DAB1: variants seen among roughly 807,000 people sequenced by gnomAD.
The protein encoded by DAB1 is DAB adaptor protein 1.
DAB1 carries 15 observed loss-of-function variants against 64.6 expected under a neutral mutation model. The observed-to-expected ratio is 0.23, with a 90% CI of 0.16 to 0.36. The LOEUF (loss-of-function observed/expected upper bound fraction) is 0.36, where lower values mean the gene tolerates loss of function less well. Among genes scored for constraint, DAB1 ranks in the 10% least tolerant of loss-of-function variants. DAB1 has a pLI of 1.00. For missense variants in DAB1, 596 were observed against 706.7 expected (o/e 0.84, Z 1.78); for synonymous variants, 235 against 251.9 (o/e 0.93, Z 0.64).
At chr1:57,219,983 CAGCAGT>C (rs1343106801) in intron 2 of DAB1, among the ~76,000 whole-genome samples, 2 of 152,206 alleles carry the variant, frequency 1.3e-5, no homozygotes, top group Non-Finnish European at 2.9e-5. Flanking sequence ...ATTAGCTATA[CAGCAGT>C]AGCTAACTAA....
At chr1:58,074,359 G>A (rs2100577733) in intron 5 of DAB1, 1 of 150,544 alleles carries the variant, frequency 6.6e-6, no homozygotes, top group Non-Finnish European at 1.5e-5. Flanking sequence ...GGCTTCAACT[G>A]CTATTCTGTA....
At chr1:57,611,376 A>C (rs1645724757) in intron 7 of DAB1, among the ~76,000 whole-genome samples, 1 of 152,138 alleles carries the variant, frequency 6.6e-6, no homozygotes, top group African/African-American at 2.4e-5. Context: ...ATTCCACAGT[A>C]CCAGCATTTC....
intron 7 of DAB1, among the ~76,000 whole-genome samples, chr1:57,553,442 G>GAAAGAAAAAGAAAGAAAGAA (rs59263518): frequency 4.4e-5 from 3 of 68,192 alleles, no homozygotes; most frequent in African/African-American, 1.9e-4. Context: ...AAGAAAGAAA[G>GAAAGAAAAAGAAAGAAAGAA]AGAAAGAAAG....
At chr1:57,290,701 T>C (rs1672707367) in intron 2 of DAB1, among the ~76,000 whole-genome samples, 1 of 152,132 alleles carries the variant, frequency 6.6e-6, no homozygotes, top group Admixed American at 6.5e-5. Context: ...AATTACTATT[T>C]AAAAATATAT....
At chr1:57,605,704 T>A (rs1284702844) in intron 7 of DAB1, 1 of 251,766 alleles carries the variant, frequency 4.0e-6, no homozygotes, top group East Asian at 8.4e-5. Context: ...TCAGTTAGTA[T>A]CACTGAACAC....
At chr1:57,035,802 AT>A (rs531907333) in intron 9 of DAB1, among the ~76,000 whole-genome samples, 2 of 73,234 alleles carry the variant, frequency 2.7e-5, no homozygotes, top group South Asian at 7.3e-4. Context: ...ATCTTCTCCT[AT>A]TTTTGGCTCA....
chr1:57,227,600 AGGCTGGAG>A (rs1667372786), intron 2 of DAB1, among the ~76,000 whole-genome samples: 2 of 150,704 alleles, frequency 1.3e-5, no homozygotes, highest in Non-Finnish European at 2.9e-5. Context: ...TCTGTCACCC[AGGCTGGAG>A]GGCAGTGGCA....
intron 5 of DAB1, among the ~76,000 whole-genome samples, chr1:57,915,742 G>A (rs186952553): frequency 3.3e-5 from 5 of 152,202 alleles, no homozygotes; most frequent in Non-Finnish European, 7.4e-5. Context: ...CGGGGAAAGG[G>A]GCCCAAACAG....
chr1:58,452,364 G>C (rs1041059235), intron 3 of DAB1, among the ~76,000 whole-genome samples: 6 of 151,650 alleles, frequency 4.0e-5, no homozygotes, highest in African/African-American at 1.5e-4. Flanking sequence ...ATCACAATGA[G>C]ATAGAGATAC....
chr1:57,441,831 T>C (rs1262801351), intron 7 of DAB1, among the ~76,000 whole-genome samples: 2 of 152,254 alleles, frequency 1.3e-5, no homozygotes, highest in African/African-American at 2.4e-5. Flanking sequence ...GGCCAAATGG[T>C]AGCTCTCTTT....
intron 6 of DAB1, among the ~76,000 whole-genome samples, chr1:57,710,840 A>G (rs921414778): frequency 1.3e-5 from 2 of 152,184 alleles, no homozygotes; most frequent in African/African-American, 2.4e-5. Context: ...AATCTCCACA[A>G]AAATTCAAAG....
At chr1:57,088,094 G>T (rs989973789) in intron 4 of DAB1, among the ~76,000 whole-genome samples, 1 of 152,196 alleles carries the variant, frequency 6.6e-6, no homozygotes, top group African/African-American at 2.4e-5. Context: ...TTTTGAGACA[G>T]AATTTTGCTC....
intron 7 of DAB1, among the ~76,000 whole-genome samples, chr1:57,443,007 A>C (rs755729942): frequency 1.3e-5 from 2 of 152,184 alleles, no homozygotes; most frequent in African/African-American, 2.4e-5. Context: ...CCCCACCAGC[A>C]CTTCTCTCAA....
At chr1:57,179,890 T>C (rs1662730966) in intron 2 of DAB1, among the ~76,000 whole-genome samples, 1 of 152,170 alleles carries the variant, frequency 6.6e-6, no homozygotes, top group South Asian at 2.1e-4. Flanking sequence ...AACCAGAGGA[T>C]TACAATAGCA....
Position 57,789,883 on chromosome 1 carries a change from C to T in DAB1, n.551+94116G>A, listed in dbSNP as rs540922856. On this transcript the variant is annotated intron_variant and non_coding_transcript_variant, in intron 6 of 20. Transcript: ENST00000485760. ...TTTCTTGTCAGGAAAGGATTCTCAACAAGAAGTTTTGCTGTGACCTGCCAA... is the reference window on the plus strand; with the variant it reads ...TTTCTTGTCAGGAAAGGATTCTCAATAAGAAGTTTTGCTGTGACCTGCCAA... Among the ~76,000 whole-genome samples the T allele has an allele frequency of 2.6e-5, 4 of 152,258 alleles. No homozygotes were observed. The East Asian group carries it at 7.7e-4, about 29-fold the overall frequency.
chr1:57,509,213 G>T (rs1644380959), intron 7 of DAB1, among the ~76,000 whole-genome samples: 1 of 152,044 alleles, frequency 6.6e-6, no homozygotes, highest in Non-Finnish European at 1.5e-5. Context: ...TGTACATGAA[G>T]TGCCTGGCAT....
At chr1:57,994,709 G>C (rs117795843) in intron 5 of DAB1, among the ~76,000 whole-genome samples, 1 of 152,132 alleles carries the variant, frequency 6.6e-6, no homozygotes, top group Non-Finnish European at 1.5e-5. Context: ...CACTGGGGGC[G>C]GACAGGATGT....
intron 7 of DAB1, among the ~76,000 whole-genome samples, chr1:57,523,164 C>A (rs1387507000): frequency 6.6e-6 from 1 of 152,094 alleles, no homozygotes; most frequent in East Asian, 1.9e-4. Context: ...TCTAGAGAAC[C>A]CTGACGAATA....
chr1:58,084,406 C>CT (rs1650178638), intron 5 of DAB1: 1 of 153,680 alleles, frequency 6.5e-6, no homozygotes, highest in Non-Finnish European at 1.5e-5. Flanking sequence ...CTCTGTCTTC[C>CT]TTTTTGCTAC....
Sources: gnomAD v4.1 joint callset for allele counts (sites outside exome capture counted in the v4.1 genomes callset) on GRCh38, gnomAD v4.1.1 for gene constraint, MANE v1.5 for transcripts, NCBI Gene and HGNC (gene_info 2026-07-23, HGNC 2026-07-21) for gene names.